Variants in RELB observed in about 807,000 individuals in gnomAD.
RELB encodes the protein RELB proto-oncogene, NF-kB subunit, also known as transcription factor RelB.
A neutral mutation model predicts 55.4 loss-of-function variants in RELB; 14 were observed. The observed-to-expected ratio is 0.25, with a 90% CI of 0.17 to 0.40. The LOEUF (loss-of-function observed/expected upper bound fraction) is 0.40. Among genes scored for constraint, RELB ranks in the 10% least tolerant of loss-of-function variants. The pLI is 1.00. For synonymous variants in RELB, 409 were observed against 371.3 expected (o/e 1.10, Z -1.17); for missense variants, 669 against 830.7 (o/e 0.81, Z 2.39).
At chr19:45,035,628 C>A (rs1453979770) in intron 11 of RELB, among the ~76,000 whole-genome samples, 1 of 152,098 alleles carries the variant, frequency 6.6e-6, no homozygotes, top group Non-Finnish European at 1.5e-5. Context: ...GAGAGAGAGA[C>A]CATCCTGGCC....
intron 4 of RELB, among the ~76,000 whole-genome samples, chr19:45,013,755 C>A (rs749262944): frequency 3.0e-4 from 45 of 151,996 alleles, no homozygotes; most frequent in Non-Finnish European, 5.9e-4. Flanking sequence ...TCACTTGAAT[C>A]CGGGAGGCAG....
chr19:45,015,006 G>A (rs187282737), intron 4 of RELB, among the ~76,000 whole-genome samples: 9 of 151,386 alleles, frequency 5.9e-5, no homozygotes, highest in East Asian at 1.9e-4. Flanking sequence ...GGGTTCAAGC[G>A]ATTCTCCTGT....
chr19:45,037,731 C>T lies in RELB; in HGVS notation c.1681C>T (p.His561Tyr). Residue 561 changes from histidine to tyrosine, a missense_variant, in exon 12 of 12, where the codon CAT (histidine) becomes TAT (tyrosine). Transcript: ENST00000221452. ...TGTGGGCAGCAACATGTTCCCCAAT[C>T]ATTACCGCGAGGCGGCCTTTGGGGG... ...SLVGSNMFPN[H>Y]YREAAFGGGL... 1 of 1,504,742 alleles carries T rather than the reference C, an allele frequency of 6.6e-7. No individual in the cohort carries two copies. The highest frequency in any genetic ancestry group is 8.8e-7 in the Non-Finnish European group (1 of 1,130,862). The allele number at this position is 1,504,742 out of a possible 1,614,324, so 93.2% of individuals were successfully genotyped here. A position where few individuals can be genotyped will look rare whatever the true frequency, so the allele number is the denominator to read the frequency against.
chr19:45,003,519 C>G (rs550962561), intron 2 of RELB: 12 of 506,738 alleles, frequency 2.4e-5, no homozygotes, highest in South Asian at 1.7e-4. Flanking sequence ...GTAAATCTTA[C>G]CACCTATCCA....
chr19:45,017,080 C>A (rs970662712), intron 4 of RELB, among the ~76,000 whole-genome samples: 1 of 152,086 alleles, frequency 6.6e-6, no homozygotes, highest in Non-Finnish European at 1.5e-5. Context: ...AACCAGCCAC[C>A]CCCCAAATCC....
intron 8 of RELB, among the ~76,000 whole-genome samples, chr19:45,031,278 C>CT (rs1971617937): frequency 6.6e-6 from 1 of 152,116 alleles, no homozygotes. Context: ...CGTGCGCCAC[C>CT]ATGCCTGGCT....
Position 45,032,643 on chromosome 19 carries a change from G to A in RELB, c.1101G>A (p.Glu367=), listed in dbSNP as rs1279368950. 2.5e-6 allele frequency: 4 copies of A among 1,612,868 alleles called. No individual in the cohort carries two copies. In the African/African-American group the frequency reaches 5.3e-5, roughly 22 times the overall value. ...TTGTGTTCAAGACGCCGCCCTACGA[G>A]GACCTGGAGATTGTCGAGCCCGTGA... ...IAIVFKTPPY[E]DLEIVEPVTV... Residue 367 remains glutamate (E), a synonymous_variant, in exon 9 of 12, where the codon GAG becomes GAA. Transcript: ENST00000221452.
chr19:45,002,134 A>AG (rs938437430), intron 1 of RELB, among the ~76,000 whole-genome samples: 104 of 4,294 alleles, frequency 0.024, 1 homozygote, highest in Admixed American at 0.12. Flanking sequence ...GAGGGCAGGA[A>AG]GGGGGCGGGG....
At chr19:45,031,959 C>T (rs138718025) in intron 8 of RELB, among the ~76,000 whole-genome samples, 70 of 151,110 alleles carry the variant, frequency 4.6e-4, no homozygotes, top group Non-Finnish European at 5.7e-4. Context: ...AAAACAAGGC[C>T]GGGTTTGGTG....
At position 45,037,417 on chromosome 19, in the gene RELB, C is replaced by T. The variant is rs376379796; in HGVS notation, c.1367C>T (p.Pro456Leu). 4.9e-5 allele frequency: 78 copies of T among 1,576,572 alleles called. No homozygotes were observed. Among genetic ancestry groups the T allele is most frequent in the East Asian group, 2.5e-4 (11 of 44,408 alleles). The change falls in exon 12 of 12, where the codon CCG (proline) becomes CTG (leucine). Residue 456 changes from proline to leucine, a missense_variant. This residue lies in a region of RELB where 341 missense variants were observed against 436.8 expected (regional missense o/e 0.78). Coordinates refer to ENST00000221452, the MANE Select transcript of RELB (RefSeq NM_006509.4). ...LPNHGSGPFLPPSALLPDPDF... is the reference protein window; with the variant it reads ...LPNHGSGPFLLPSALLPDPDF... ...TTCATCCCCGTAGGCCCGTTCCTCC[C>T]GCCGTCAGCCCTGCTGCCAGACCCT...
chr19:45,005,638 C>T (rs1287905448), intron 2 of RELB, among the ~76,000 whole-genome samples: 1 of 152,132 alleles, frequency 6.6e-6, no homozygotes, highest in Non-Finnish European at 1.5e-5. Flanking sequence ...GAGTCTCGCT[C>T]TGTCACCCAG....
chr19:45,035,816 C>T (rs1971679228), intron 11 of RELB, among the ~76,000 whole-genome samples: 1 of 152,198 alleles, frequency 6.6e-6, no homozygotes. Flanking sequence ...CAGAGCAAGA[C>T]TCCGTCTCAA....
chr19:45,020,052 G>T (rs1205522926), intron 4 of RELB, among the ~76,000 whole-genome samples: 1 of 149,288 alleles, frequency 6.7e-6, no homozygotes, highest in African/African-American at 2.5e-5. Flanking sequence ...GCCACTGTGC[G>T]CAGCCCTTCT....
At chr19:45,029,089 T>A in intron 8 of RELB, 97 bp downstream of exon 8, 1 of 838,222 alleles carries the variant, frequency 1.2e-6, no homozygotes, top group Non-Finnish European at 1.9e-6. Context: ...GAGAAAGAGC[T>A]GGTTAACCAG....
At chr19:45,002,570 C>T (rs911050776) in intron 1 of RELB, among the ~76,000 whole-genome samples, 11 of 152,108 alleles carry the variant, frequency 7.2e-5, no homozygotes, top group African/African-American at 2.4e-4. Context: ...TCAGACTGGC[C>T]TCGAACTTCT....
At chr19:45,001,784 T>C in intron 1 of RELB, 99 bp downstream of exon 1, 1 of 713,712 alleles carries the variant, frequency 1.4e-6, no homozygotes, top group African/African-American at 1.9e-5. Flanking sequence ...TATGGGAGTC[T>C]AAGGGTTTCG....
intron 4 of RELB, 172 bp from the exon 5 acceptor site, chr19:45,021,880 TG>T (rs1484060384): frequency 2.5e-5 from 15 of 598,078 alleles, no homozygotes; most frequent in Non-Finnish European, 3.8e-5. Context: ...CGGCCCAAAG[TG>T]GTCTTAAGCA....
intron 2 of RELB, among the ~76,000 whole-genome samples, chr19:45,005,665 A>G (rs1481433681): frequency 6.6e-6 from 1 of 152,108 alleles, no homozygotes; most frequent in Non-Finnish European, 1.5e-5. Context: ...GTGTAGTGTC[A>G]CAATCTCGGC....
At chr19:45,027,314 G>A (rs35009172) in intron 7 of RELB, among the ~76,000 whole-genome samples, 65 of 151,786 alleles carry the variant, frequency 4.3e-4, no homozygotes, top group African/African-American at 1.5e-3. Flanking sequence ...TTCTATTAAC[G>A]AGAAAAAATG....
Sources: allele counts gnomAD v4.1 joint callset (sites outside exome capture counted in the v4.1 genomes callset), GRCh38; gene constraint gnomAD v4.1.1; regional missense constraint gnomAD v4.1.1; transcripts MANE v1.5; gene names NCBI Gene and HGNC (gene_info 2026-07-23, HGNC 2026-07-21).